The following ATP8B4 variants were observed in gnomAD, a reference collection of about 807,000 sequenced individuals.
ATP8B4 encodes the protein probable phospholipid-transporting ATPase IM.
In ATP8B4, 133 loss-of-function variants were observed where a neutral mutation model predicts 145.6. The observed-to-expected ratio is 0.91, with a 90% CI of 0.79 to 1.05. ATP8B4 has a LOEUF of 1.05. Ranked by LOEUF, ATP8B4 falls within the 50% of genes least tolerant of loss-of-function variation. The pLI, the probability that ATP8B4 is intolerant of heterozygous loss-of-function variation, is 0.00. For missense variants in ATP8B4, 1,458 were observed against 1,425.2 expected, an observed-to-expected ratio of 1.02 and a Z score of -0.37; for synonymous variants, 507 against 492.9, an observed-to-expected ratio of 1.03 and a Z score of -0.38.
At chr15:49,972,526 A>T in intron 13 of ATP8B4, 56 bp downstream of exon 13, 1 of 1,535,132 alleles carries the variant, frequency 6.5e-7, no homozygotes, top group Non-Finnish European at 8.9e-7. Flanking sequence ...TAATGGGGTC[A>T]GTTATTCAAG....
rs2037532598 is a variant in ATP8B4 at position 49,897,506 on chromosome 15, A to G, written c.2483T>C (p.Ile828Thr). ...NDVSMIKSAH[I>T]GVGISGQEGL... Reference sequence around the variant, plus strand: ...TTCCTGGCCGCTGATGCCAACACCAATGTGAGCACCTACAAAGGAAAGAGG... The same window carrying G: ...TTCCTGGCCGCTGATGCCAACACCAGTGTGAGCACCTACAAAGGAAAGAGG... The change falls in exon 23 of 28, where the codon ATT becomes ACT. Residue 828 changes from isoleucine to threonine, a missense_variant. By Grantham distance (89) the Ile-to-Thr change is moderately conservative. Coordinates refer to ENST00000284509, the MANE Select transcript of ATP8B4 (RefSeq NM_024837.4). The G allele has an allele frequency of 6.5e-7, 1 of 1,547,948 alleles. No individual in the cohort carries two copies. The highest frequency in any genetic ancestry group is 1.4e-5 in the African/African-American group (1 of 72,668).
At chr15:50,049,274 T>C (rs2051981900) in intron 3 of ATP8B4, among the ~76,000 whole-genome samples, 2 of 152,276 alleles carry the variant, frequency 1.3e-5, no homozygotes, top group Admixed American at 6.5e-5. Flanking sequence ...ATCCAATAGG[T>C]AGTTTTTCAA....
At chr15:49,914,046 C>T (rs530146032) in intron 20 of ATP8B4, among the ~76,000 whole-genome samples, 1 of 152,196 alleles carries the variant, frequency 6.6e-6, no homozygotes, top group East Asian at 1.9e-4. Context: ...AAGAACAAAG[C>T]TGGAGGCATC....
chr15:50,043,733 C>T (rs2051491671), intron 5 of ATP8B4, among the ~76,000 whole-genome samples: 1 of 151,114 alleles, frequency 6.6e-6, no homozygotes, highest in Non-Finnish European at 1.5e-5. Context: ...GCAGGTGGAT[C>T]ATGAGGTCAG....
In ATP8B4 at chr15:49,866,614, G is replaced by T. The variant is rs948057727; in HGVS notation, c.3028-130C>A. The T allele has an allele frequency of 7.7e-6, 8 of 1,034,636 alleles. No homozygotes were observed. In the East Asian group the frequency reaches 1.5e-4, roughly 20 times the overall value. 64.1% of individuals were successfully genotyped at this position (1,034,636 alleles called of 1,614,324 possible). A position where few individuals can be genotyped will look rare whatever the true frequency, so the allele number is the denominator to read the frequency against. The stretch of plus-strand genomic sequence containing the variant: ...CCTGCCTAGTTGCCAAGCCAACCGC[G>T]GGCATCCCCACTTTCTGAACACACA... On this transcript the variant is annotated intron_variant, in intron 25 of 27. Transcript: ENST00000284509.
chr15:50,031,750 ATAAATCTCTTGACCATAGGTC>A (rs1295207851), intron 6 of ATP8B4, among the ~76,000 whole-genome samples: 3 of 151,878 alleles, frequency 2.0e-5, no homozygotes, highest in South Asian at 2.1e-4. Flanking sequence ...GCAGCAAATT[ATAAATCTCTTGACCATAGGTC>A]TACATGCCTC....
At chr15:49,952,365 C>T (rs752024161) in intron 14 of ATP8B4, among the ~76,000 whole-genome samples, 2 of 152,024 alleles carry the variant, frequency 1.3e-5, no homozygotes, top group Non-Finnish European at 2.9e-5. Context: ...TTATGAAGTC[C>T]CATATTTCTT....
At chr15:50,096,083 A>G (rs1344485530) in intron 2 of ATP8B4, among the ~76,000 whole-genome samples, 1 of 152,220 alleles carries the variant, frequency 6.6e-6, no homozygotes. Flanking sequence ...ATAGAGGAGG[A>G]GTTCTCTGAG....
At chr15:49,874,182 A>C (rs1566907634) in intron 25 of ATP8B4, among the ~76,000 whole-genome samples, 2 of 152,246 alleles carry the variant, frequency 1.3e-5, no homozygotes, top group African/African-American at 4.8e-5. Context: ...AGGAGGTAGA[A>C]AGACATTAAA....
At chr15:50,053,927 G>T (rs1425702982) in intron 3 of ATP8B4, among the ~76,000 whole-genome samples, 2 of 152,152 alleles carry the variant, frequency 1.3e-5, no homozygotes, top group Non-Finnish European at 2.9e-5. Context: ...AACATTTGGA[G>T]CATTTGGGAG....
chr15:50,171,992 T>C (rs1039121377), intron 1 of ATP8B4, among the ~76,000 whole-genome samples: 1 of 151,822 alleles, frequency 6.6e-6, no homozygotes, highest in African/African-American at 2.4e-5. Flanking sequence ...CCTGGAAAAA[T>C]ACAACCCTCC....
chr15:50,123,968 C>A (rs989281202), upstream of ATP8B4, among the ~76,000 whole-genome samples: 1 of 152,080 alleles, frequency 6.6e-6, no homozygotes. Flanking sequence ...TCTTCCTGCA[C>A]CCCAGAGCAG....
chr15:50,087,986 T>C (rs1415997374), intron 2 of ATP8B4, among the ~76,000 whole-genome samples: 2 of 152,176 alleles, frequency 1.3e-5, no homozygotes, highest in Admixed American at 1.3e-4. Flanking sequence ...TTGGGGTATT[T>C]TTCAAATTTT....
chr15:49,973,836 C>T (rs1341592022), intron 12 of ATP8B4, among the ~76,000 whole-genome samples: 1 of 152,198 alleles, frequency 6.6e-6, no homozygotes, highest in Admixed American at 6.5e-5. Context: ...TCTTTCACCA[C>T]ATGCAAATTC....
intron 15 of ATP8B4, among the ~76,000 whole-genome samples, chr15:49,933,497 A>G (rs2041453086): frequency 1.3e-5 from 2 of 152,062 alleles, no homozygotes; most frequent in South Asian, 2.1e-4. Flanking sequence ...ACCATCTCAC[A>G]AGTGTGAGGA....
intron 14 of ATP8B4, among the ~76,000 whole-genome samples, chr15:49,947,773 A>G (rs771297796): frequency 6.6e-6 from 1 of 152,144 alleles, no homozygotes; most frequent in Non-Finnish European, 1.5e-5. Context: ...CCCAGTAAAG[A>G]CAGACACAGA....
At chr15:49,948,674 G>A (rs1036097006) in intron 14 of ATP8B4, among the ~76,000 whole-genome samples, 4 of 152,074 alleles carry the variant, frequency 2.6e-5, no homozygotes, top group Admixed American at 6.6e-5. Flanking sequence ...ATATGTTTAC[G>A]TTCCTTGTAA....
In ATP8B4 at chr15:50,170,332, A is replaced by G. The variant is rs957446594; in HGVS notation, c.-43+11929T>C. On this transcript the variant is annotated intron_variant, in intron 1 of 3. Transcript: ENST00000558829. Reference sequence around the variant, plus strand: ...AGATTAACAGCAGATTTCTCAGCAGAAACCCTACAAGCTAGAAAGGATTGG... The same window carrying G: ...AGATTAACAGCAGATTTCTCAGCAGGAACCCTACAAGCTAGAAAGGATTGG... Among the ~76,000 whole-genome samples the G allele has an allele frequency of 9.2e-5, 14 of 152,336 alleles. No individual in the cohort carries two copies. The East Asian group carries it at 1.3e-3, about 15-fold the overall frequency.
intron 6 of ATP8B4, among the ~76,000 whole-genome samples, chr15:50,018,277 C>A (rs1470593178): frequency 1.3e-5 from 2 of 152,140 alleles, no homozygotes; most frequent in African/African-American, 2.4e-5. Flanking sequence ...CATGAGCCAC[C>A]AAGCTTGGCC....
Sources: allele counts gnomAD v4.1 joint callset (sites outside exome capture counted in the v4.1 genomes callset), GRCh38; gene constraint gnomAD v4.1.1; transcripts MANE v1.5; gene names NCBI Gene and HGNC (gene_info 2026-07-23, HGNC 2026-07-21).